The following CHD5 variants were observed in gnomAD, a reference collection of about 807,000 sequenced individuals.
The protein encoded by CHD5 is ATP-dependent chromatin remodeler CHD5.
CHD5 carries 69 observed loss-of-function variants against 230.3 expected under a neutral mutation model. The ratio of observed to expected loss-of-function variants is 0.30; its 90% CI spans 0.25 to 0.37. The LOEUF (loss-of-function observed/expected upper bound fraction) is 0.37. Ranked by LOEUF, CHD5 falls within the 10% of genes least tolerant of loss-of-function variation. CHD5 has a pLI of 1.00. For missense variants in CHD5, 1,827 were observed against 2,622.8 expected, an observed-to-expected ratio of 0.70 and a Z score of 6.63; for synonymous variants, 1,064 against 1,065.9, an observed-to-expected ratio of 1.00 and a Z score of 0.03.
chr1:6,143,748 C>T (rs1242128703), intron 13 of CHD5, 75 bp downstream of exon 13: 2 of 1,283,696 alleles, frequency 1.6e-6, no homozygotes, highest in African/African-American at 1.5e-5. Flanking sequence ...AGAACACACA[C>T]CCCCTGCACA....
rs556322224 is a variant in CHD5, at chr1:6,146,131, G to A, written c.1802+81C>T. ...CAAAGCAAGGGCCCTGGCACCCTGC[G>A]CTGCACCCATTTTACAGGGCAAAGA... On this transcript the variant is annotated intron_variant, in intron 11 of 41. Coordinates refer to ENST00000262450, the MANE Select transcript of CHD5 (RefSeq NM_015557.3). The surrounding 1 kb of genome is among the most constrained non-coding windows in gnomAD (Gnocchi z 5.1). 1.2e-4 allele frequency: 172 copies of A among 1,396,228 alleles called. No homozygotes were observed. In the African/African-American group the frequency reaches 1.6e-3, roughly 13 times the overall value. 86.5% of individuals were successfully genotyped at this position (1,396,228 alleles called of 1,614,324 possible).
chr1:6,111,488 C>T (rs1302718189), intron 36 of CHD5, among the ~76,000 whole-genome samples: 9 of 147,140 alleles, frequency 6.1e-5, no homozygotes, highest in Non-Finnish European at 1.3e-4. Context: ...GAGCCGAGAT[C>T]AAGCTGCTAC....
At chr1:6,172,266 G>A (rs1325397717) in intron 1 of CHD5, among the ~76,000 whole-genome samples, 1 of 152,236 alleles carries the variant, frequency 6.6e-6, no homozygotes, top group Non-Finnish European at 1.5e-5. Flanking sequence ...ACCTAGGACT[G>A]ATTAATTTGT....
intron 1 of CHD5, among the ~76,000 whole-genome samples, chr1:6,179,187 T>C (rs1667472126): frequency 6.6e-6 from 1 of 152,138 alleles, no homozygotes; most frequent in South Asian, 2.1e-4. Context: ...GCGGTGGCCC[T>C]GGGGCGTCAG....
intron 35 of CHD5, 98 bp from the exon 36 acceptor site, chr1:6,111,981 C>T (rs945079092): frequency 1.7e-5 from 23 of 1,382,760 alleles, no homozygotes; most frequent in Middle Eastern, 3.6e-4. Context: ...CCACTGCCTC[C>T]ACCCCCAGAG....
intron 2 of CHD5, among the ~76,000 whole-genome samples, chr1:6,161,392 C>T (rs1255619722): frequency 1.3e-5 from 2 of 152,210 alleles, no homozygotes; most frequent in Non-Finnish European, 2.9e-5. Context: ...TTCCAACAGG[C>T]TGCCTGCACT....
At position 6,124,630 on chromosome 1, in the gene CHD5, A is replaced by G; in HGVS notation, c.4426T>C (p.Cys1476Arg). 1 of 1,173,360 alleles carries G rather than the reference A, an allele frequency of 8.5e-7. No individual in the cohort carries two copies. The highest frequency in any genetic ancestry group is 1.2e-6 in the Non-Finnish European group (1 of 865,244). The allele number at this position is 1,173,360 out of a possible 1,614,324, so 72.7% of individuals were successfully genotyped here. A position where few individuals can be genotyped will look rare whatever the true frequency, so the allele number is the denominator to read the frequency against. Residue 1476 changes from cysteine (C) to arginine (R), a missense_variant, in exon 30 of 42, where the codon TGT (cysteine) becomes CGT (arginine). Around this residue, in one of 14 missense-constraint regions of CHD5, gnomAD observed 108 missense variants for 152.4 expected, o/e 0.71. Transcript: ENST00000262450. Reference sequence around the variant, plus strand: ...TCTGCACCATCCGCCCCCGGCTCACACAGGTGCCGCATGAAGAGGGACACA... The same window carrying G: ...TCTGCACCATCCGCCCCCGGCTCACGCAGGTGCCGCATGAAGAGGGACACA... ...AYVSLFMRHL[C>R]EPGADGAETF...
Position 6,134,623 on chromosome 1 carries a change from AC to A in CHD5, c.3012+94del. 7.7e-7 allele frequency: 1 copy of A among 1,303,528 alleles called. No homozygotes were observed. The allele number at this position is 1,303,528 out of a possible 1,614,324, so 80.7% of individuals were successfully genotyped here. A position where few individuals can be genotyped will look rare whatever the true frequency, so the allele number is the denominator to read the frequency against. On this transcript the variant is annotated intron_variant, in intron 19 of 41. Coordinates refer to ENST00000262450, the MANE Select transcript of CHD5 (RefSeq NM_015557.3). This position sits in a 1 kb window ranked among gnomAD's most constrained non-coding sequence, Gnocchi z 6.3. ...AGAAATCGCCACAATGGCCAGGAGA[AC>A]CTATCACAGCGGCCACAGGGACCTA...
At chr1:6,143,510 A>G (rs1666862458) in intron 13 of CHD5, among the ~76,000 whole-genome samples, 1 of 152,008 alleles carries the variant, frequency 6.6e-6, no homozygotes, top group Non-Finnish European at 1.5e-5. Context: ...TGAAACAGCT[A>G]CCCAGGGCTC....
chr1:6,162,039 G>A (rs78276724), intron 2 of CHD5, among the ~76,000 whole-genome samples: 51 of 152,298 alleles, frequency 3.3e-4, no homozygotes, highest in Middle Eastern at 3.4e-3. Flanking sequence ...CAGCTTCATC[G>A]TCTGTGAACT....
At chr1:6,171,155 G>T (rs1388089047) in intron 1 of CHD5, among the ~76,000 whole-genome samples, 1 of 152,226 alleles carries the variant, frequency 6.6e-6, no homozygotes, top group Non-Finnish European at 1.5e-5. Flanking sequence ...ACGGATGAGG[G>T]TATGCACAGG....
chr1:6,142,679 A>G lies in CHD5; in HGVS notation c.2044-74T>C. 1.4e-6 allele frequency: 2 copies of G among 1,438,818 alleles called. No individual in the cohort carries two copies. The highest frequency in any genetic ancestry group is 1.3e-5 in the South Asian group (1 of 75,144). 89.1% of individuals were successfully genotyped at this position (1,438,818 alleles called of 1,614,324 possible). A position where few individuals can be genotyped will look rare whatever the true frequency, so the allele number is the denominator to read the frequency against. On this transcript the variant is annotated intron_variant, in intron 13 of 41. Transcript: ENST00000262450. This position sits in a 1 kb window ranked among gnomAD's most constrained non-coding sequence, Gnocchi z 5.2. ...GAGTCCACACTACAGGCCTTTGCAC[A>G]TGCAATTCCTTCTGCCTGGAACACT... is the stretch of plus-strand genomic sequence containing the variant.
At chr1:6,177,582 G>A (rs905913648) in intron 1 of CHD5, among the ~76,000 whole-genome samples, 1 of 152,182 alleles carries the variant, frequency 6.6e-6, no homozygotes, top group Non-Finnish European at 1.5e-5. Flanking sequence ...GATCGCTTGA[G>A]CACAGGAGTT....
chr1:6,152,634 G>T (rs1282154792), intron 5 of CHD5, 98 bp from the exon 6 acceptor site: 2 of 1,571,610 alleles, frequency 1.3e-6, no homozygotes, highest in Non-Finnish European at 1.7e-6. Context: ...ATAAGGAAAG[G>T]GTCATTTCTA....
In CHD5 at chr1:6,134,906, A is replaced by T. The variant is rs368909944; in HGVS notation, c.2871-47T>A. The T allele has an allele frequency of 1.2e-6, 2 of 1,611,164 alleles. No individual in the cohort carries two copies. The highest frequency in any genetic ancestry group is 1.7e-6 in the Non-Finnish European group (2 of 1,177,952). ...GGCAGGCTGGGTCAGACCCGCCTCC[A>T]TGAGGGCTCTCTCTGCTCTGCAGTG... On this transcript the variant is annotated intron_variant, in intron 18 of 41. Transcript: ENST00000262450. This position sits in a 1 kb window ranked among gnomAD's most constrained non-coding sequence, Gnocchi z 6.3.
rs529908589 is a variant in CHD5 at position 6,164,022 on chromosome 1, C to G, written c.207+4128G>C. On this transcript the variant is annotated intron_variant, in intron 2 of 41. Transcript: ENST00000262450. ...ATGTGTGCCAGGAGGCAGGGGCAGGCAGGAGGGGTCTCTGCTCTGAGCCCC... is the reference window on the plus strand; with the variant it reads ...ATGTGTGCCAGGAGGCAGGGGCAGGGAGGAGGGGTCTCTGCTCTGAGCCCC... Among the ~76,000 whole-genome samples, 14 of 152,344 alleles carry G rather than the reference C, an allele frequency of 9.2e-5. No individual in the cohort carries two copies. The South Asian group carries it at 2.9e-3, about 32-fold the overall frequency.
At position 6,111,573 on chromosome 1, in the gene CHD5, C is replaced by G. The variant is rs1017065391; in HGVS notation, c.5249+202G>C. ...AAAGAGAGAGCAATGTGGACCCAGACAGAGACACATAAGGAAGAAGCCGGG... is the reference window on the plus strand; with the variant it reads ...AAAGAGAGAGCAATGTGGACCCAGAGAGAGACACATAAGGAAGAAGCCGGG... On this transcript the variant is annotated intron_variant, in intron 36 of 41. Coordinates refer to ENST00000262450, the MANE Select transcript of CHD5 (RefSeq NM_015557.3). 2.6e-5 allele frequency among the ~76,000 whole-genome samples: 4 copies of G among 151,346 alleles called. No individual in the cohort carries two copies. In the South Asian group the frequency reaches 8.4e-4, roughly 32 times the overall value.
At chr1:6,173,224 C>T (rs1667366934) in intron 1 of CHD5, among the ~76,000 whole-genome samples, 1 of 151,860 alleles carries the variant, frequency 6.6e-6, no homozygotes, top group Non-Finnish European at 1.5e-5. Flanking sequence ...CCTGCCTCAG[C>T]CTCCCAAGTA....
chr1:6,149,192 G>A, intron 8 of CHD5, 54 bp downstream of exon 8: 3 of 1,510,132 alleles, frequency 2.0e-6, no homozygotes, highest in Non-Finnish European at 2.7e-6. Context: ...GGGCACAGGG[G>A]TGGGGGAGCC....
Sources: gnomAD v4.1 joint callset for allele counts (sites outside exome capture counted in the v4.1 genomes callset) on GRCh38, gnomAD v4.1.1 for gene constraint, gnomAD v4.1.1 regional missense constraint, Gnocchi (gnomAD v3.1) non-coding constraint, MANE v1.5 for transcripts, NCBI Gene and HGNC (gene_info 2026-07-23, HGNC 2026-07-21) for gene names.